The following SUGCT variants were observed in gnomAD, a reference collection of about 807,000 sequenced individuals.
SUGCT encodes succinyl-CoA:glutarate-CoA transferase.
In SUGCT, 41 loss-of-function variants were observed where a neutral mutation model predicts 55.0. The ratio of observed to expected loss-of-function variants is 0.74; its 90% confidence interval spans 0.58 to 0.97. The LOEUF is 0.97. Among genes scored for constraint, SUGCT ranks in the 50% least tolerant of loss-of-function variants. The pLI, the probability that SUGCT is intolerant of heterozygous loss-of-function variation, is 0.00. For synonymous variants in SUGCT, 187 were observed against 200.4 expected (o/e 0.93, Z 0.56); for missense variants, 568 against 547.8 (o/e 1.04, Z -0.37).
chr7:40,959,856 G>A, the SUGCT span, among the ~76,000 whole-genome samples: 1 of 152,168 alleles, frequency 6.6e-6, no homozygotes, highest in South Asian at 2.1e-4. Flanking sequence ...AGTGGGAAAA[G>A]CATAGTATCT....
chr7:40,185,556 C>T (rs1785455168), intron 3 of SUGCT, among the ~76,000 whole-genome samples: 1 of 152,016 alleles, frequency 6.6e-6, no homozygotes, highest in Non-Finnish European at 1.5e-5. Context: ...ACTTTTCGCT[C>T]TTCTTGCCCA....
intron 12 of SUGCT, among the ~76,000 whole-genome samples, chr7:40,641,922 G>C (rs1800288006): frequency 1.3e-5 from 2 of 152,192 alleles, no homozygotes; most frequent in South Asian, 4.1e-4. Context: ...AACGTTAGGG[G>C]AGGCACTCTT....
the SUGCT span, among the ~76,000 whole-genome samples, chr7:40,931,214 T>C: frequency 6.6e-6 from 1 of 152,210 alleles, no homozygotes; most frequent in East Asian, 1.9e-4. Context: ...GTTTATATGA[T>C]GGATTACATT....
intron 12 of SUGCT, among the ~76,000 whole-genome samples, chr7:40,615,264 C>A (rs1169895354): frequency 6.6e-6 from 1 of 151,594 alleles, no homozygotes; most frequent in African/African-American, 2.4e-5. Flanking sequence ...TTTCTTTAAA[C>A]AAATGTCGCA....
chr7:40,975,535 T>C, the SUGCT span, among the ~76,000 whole-genome samples: 1 of 152,226 alleles, frequency 6.6e-6, no homozygotes, highest in South Asian at 2.1e-4. Context: ...AGAGGTAGGC[T>C]GTCCCTCTGA....
intron 12 of SUGCT, among the ~76,000 whole-genome samples, chr7:40,561,831 A>G (rs927282032): frequency 2.0e-5 from 3 of 150,738 alleles, no homozygotes; most frequent in African/African-American, 7.3e-5. Flanking sequence ...AGCTGGGATT[A>G]CAGGTGCACA....
At chr7:40,164,330 A>G (rs763263153) in intron 1 of SUGCT, among the ~76,000 whole-genome samples, 2 of 152,098 alleles carry the variant, frequency 1.3e-5, no homozygotes, top group Non-Finnish European at 1.5e-5. Flanking sequence ...AGGTTTCACC[A>G]TATTGGCCAA....
chr7:40,272,369 G>T (rs1457648827), intron 7 of SUGCT, among the ~76,000 whole-genome samples: 5 of 148,498 alleles, frequency 3.4e-5, no homozygotes, highest in Non-Finnish European at 5.9e-5. Context: ...GTAGAGACAG[G>T]GTCTTACTCT....
chr7:40,612,371 G>A (rs750684749), intron 12 of SUGCT, among the ~76,000 whole-genome samples: 4 of 152,084 alleles, frequency 2.6e-5, no homozygotes, highest in Admixed American at 6.5e-5. Flanking sequence ...ATACTTGCTC[G>A]CAGGCCCTTA....
intron 13 of SUGCT, among the ~76,000 whole-genome samples, chr7:40,850,368 A>G (rs560123546): frequency 4.6e-5 from 7 of 152,324 alleles, no homozygotes; most frequent in African/African-American, 9.6e-5. Context: ...TGGGGTTATC[A>G]TAAGGACTGA....
At chr7:40,972,176 C>T in the SUGCT span, among the ~76,000 whole-genome samples, 1 of 152,094 alleles carries the variant, frequency 6.6e-6, no homozygotes, top group Admixed American at 6.6e-5. Context: ...ATTTCCATGT[C>T]AATAAATATA....
the SUGCT span, among the ~76,000 whole-genome samples, chr7:40,939,792 A>G: frequency 6.6e-6 from 1 of 152,004 alleles, no homozygotes; most frequent in Non-Finnish European, 1.5e-5. Context: ...CCTTTTTTGG[A>G]TGCATAGTTT....
chr7:40,724,420 C>A (rs960525132), intron 12 of SUGCT, among the ~76,000 whole-genome samples: 3 of 151,734 alleles, frequency 2.0e-5, no homozygotes, highest in Admixed American at 6.6e-5. Context: ...AAAAAATTAA[C>A]GGCGTGGCAG....
chr7:40,913,008 A>ATTT, the SUGCT span, among the ~76,000 whole-genome samples: 2,529 of 121,530 alleles, frequency 0.021, 131 homozygotes, highest in African/African-American at 0.073. Context: ...GCTGGATCCA[A>ATTT]TTTTTTTTTT....
the SUGCT span, among the ~76,000 whole-genome samples, chr7:40,993,052 C>G: frequency 6.6e-6 from 1 of 152,062 alleles, no homozygotes; most frequent in East Asian, 1.9e-4. Context: ...CATAAATCAC[C>G]TGGAGATCTT....
the SUGCT span, among the ~76,000 whole-genome samples, chr7:40,880,109 G>A: frequency 5.3e-5 from 8 of 152,166 alleles, no homozygotes; most frequent in Admixed American, 3.9e-4. Flanking sequence ...TCTTTTGATC[G>A]TTTGGAGAAA....
Position 40,184,487 on chromosome 7 carries a change from G to A in SUGCT, c.226+2459G>A, listed in dbSNP as rs145349320. Among the ~76,000 whole-genome samples, 703 of 151,648 alleles carry A rather than the reference G, an allele frequency of 4.6e-3. 2 individuals carry two copies. Among genetic ancestry groups the A allele is most frequent in the Admixed American group, 7.2e-3 (109 of 15,204 alleles). ...TCTCACTCTGTGAGCCACTGCACCC[G>A]GCCTTATTAAATTTTTTTTTTTTTT... On this transcript the variant is annotated intron_variant, in intron 3 of 13. Transcript: ENST00000335693.
chr7:40,135,999 A>AT (rs34395438), intron 1 of SUGCT, among the ~76,000 whole-genome samples: 9,644 of 112,940 alleles, frequency 0.085, 806 homozygotes, highest in African/African-American at 0.23. Flanking sequence ...AGGATGCAGG[A>AT]TTTTTTTTTT....
chr7:40,966,039 G>A, the SUGCT span: 2 of 152,152 alleles, frequency 1.3e-5, no homozygotes, highest in East Asian at 3.9e-4. Context: ...AAAAAAATAA[G>A]TATCTCTATT....
Sources: allele counts gnomAD v4.1 joint callset (sites outside exome capture counted in the v4.1 genomes callset), GRCh38; gene constraint gnomAD v4.1.1; transcripts MANE v1.5; gene names NCBI Gene and HGNC (gene_info 2026-07-23, HGNC 2026-07-21).